The following TSHZ3 variants were observed in gnomAD, a reference collection of about 807,000 sequenced individuals.
TSHZ3 encodes teashirt homolog 3.
TSHZ3 carries 10 observed loss-of-function variants against 64.5 expected under a neutral mutation model. That is an observed-to-expected ratio of 0.16 (90% CI 0.10 to 0.26). TSHZ3 has a LOEUF of 0.26. TSHZ3 is among the 10% of genes least tolerant of loss of function. TSHZ3 has a pLI of 1.00. For synonymous variants in TSHZ3, 608 were observed against 593.1 expected, an observed-to-expected ratio of 1.03 and a Z score of -0.36; for missense variants, 1,242 against 1,421.7, an observed-to-expected ratio of 0.87 and a Z score of 2.03.
chr19:31,216,188 G>A (rs1052847013), intron 4 of TSHZ3, among the ~76,000 whole-genome samples: 4 of 152,000 alleles, frequency 2.6e-5, no homozygotes, highest in Admixed American at 6.5e-5. Context: ...CCATCAAATC[G>A]TTCTTAAATA....
intron 5 of TSHZ3, among the ~76,000 whole-genome samples, chr19:31,177,185 G>A (rs1483606308): frequency 6.6e-6 from 1 of 152,216 alleles, no homozygotes; most frequent in African/African-American, 2.4e-5. Context: ...TCAGCAGAAG[G>A]ATGCATCAAT....
At chr19:31,191,571 GA>G (rs1442962304) in intron 5 of TSHZ3, among the ~76,000 whole-genome samples, 8 of 152,154 alleles carry the variant, frequency 5.3e-5, no homozygotes, top group African/African-American at 1.7e-4. Flanking sequence ...GGAAGAGAGG[GA>G]AAAAAATGTC....
At chr19:31,184,281 A>G (rs1390757) in intron 5 of TSHZ3, among the ~76,000 whole-genome samples, 109,532 of 152,156 alleles carry the variant, frequency 0.72, 40,078 homozygotes, top group African/African-American at 0.86. Context: ...CCAAAGCACC[A>G]ACTTTGTGAA....
intron 1 of TSHZ3, among the ~76,000 whole-genome samples, chr19:31,281,176 T>C (rs546596165): frequency 3.9e-5 from 6 of 152,264 alleles, no homozygotes; most frequent in Admixed American, 2.6e-4. Context: ...TGGAATTGAC[T>C]CCACCAGCTT....
intron 5 of TSHZ3, among the ~76,000 whole-genome samples, chr19:31,181,285 C>T (rs930150784): frequency 3.3e-5 from 5 of 152,114 alleles, no homozygotes; most frequent in Non-Finnish European, 5.9e-5. Context: ...GCTTCATGGC[C>T]TTTTCCTTAC....
chr19:31,196,958 G>A (rs189460051), intron 5 of TSHZ3, among the ~76,000 whole-genome samples: 30 of 152,040 alleles, frequency 2.0e-4, no homozygotes, highest in Admixed American at 1.8e-3. Flanking sequence ...TCAATCAACT[G>A]TATATAATTA....
chr19:31,189,978 C>G (rs866955448), intron 5 of TSHZ3, among the ~76,000 whole-genome samples: 1 of 152,060 alleles, frequency 6.6e-6, no homozygotes, highest in Non-Finnish European at 1.5e-5. Flanking sequence ...CAAGTAATAG[C>G]CTTTTCTCTA....
chr19:31,312,380 T>A (rs1187719587), intron 1 of TSHZ3, among the ~76,000 whole-genome samples: 1 of 152,120 alleles, frequency 6.6e-6, no homozygotes, highest in Admixed American at 6.5e-5. Flanking sequence ...AAATGTAAAG[T>A]TCAGATCCTC....
At chr19:31,300,854 TA>T (rs1976743962) in intron 1 of TSHZ3, among the ~76,000 whole-genome samples, 1 of 152,004 alleles carries the variant, frequency 6.6e-6, no homozygotes, top group African/African-American at 2.4e-5. Flanking sequence ...AATGACAAAG[TA>T]AATGTTGTCA....
At chr19:31,199,470 C>T (rs1975043925) in intron 5 of TSHZ3, among the ~76,000 whole-genome samples, 1 of 147,590 alleles carries the variant, frequency 6.8e-6, no homozygotes, top group East Asian at 2.0e-4. Context: ...TACCAAAGAC[C>T]ATAAAATAGT....
intron 5 of TSHZ3, among the ~76,000 whole-genome samples, chr19:31,199,584 C>G (rs537145001): frequency 1.5e-4 from 22 of 149,732 alleles, no homozygotes; most frequent in Non-Finnish European, 2.4e-4. Flanking sequence ...TTACATTCTT[C>G]CCCCAAATGA....
chr19:31,188,540 C>T (rs1974849062), intron 5 of TSHZ3, among the ~76,000 whole-genome samples: 1 of 151,886 alleles, frequency 6.6e-6, no homozygotes, highest in Non-Finnish European at 1.5e-5. Flanking sequence ...TGAAAATTAG[C>T]AAATGCTTTT....
At chr19:31,157,676 T>G (rs911743085) in intron 5 of TSHZ3, among the ~76,000 whole-genome samples, 3 of 152,214 alleles carry the variant, frequency 2.0e-5, no homozygotes, top group Non-Finnish European at 2.9e-5. Context: ...TACAGGAAAG[T>G]GGCACAGATG....
chr19:31,181,177 C>T (rs1426300221), intron 5 of TSHZ3, among the ~76,000 whole-genome samples: 1 of 151,956 alleles, frequency 6.6e-6, no homozygotes, highest in East Asian at 1.9e-4. Context: ...CAGAACAGCA[C>T]CAACTTCCCT....
intron 1 of TSHZ3, among the ~76,000 whole-genome samples, chr19:31,342,103 C>A (rs1182002061): frequency 6.6e-6 from 1 of 152,112 alleles, no homozygotes; most frequent in Non-Finnish European, 1.5e-5. Context: ...ACCATATTAC[C>A]TTTATTATGT....
chr19:31,275,321 A>ATT lies in TSHZ3; in HGVS notation c.*1225_*1226insAA, dbSNP rs1160514117. ...GAATAGCAACCAAGAGGGCTTATAA[A>ATT]TAAGTGAAAGAGGTTGGATCACAGA... On this transcript the variant is annotated 3_prime_UTR_variant, in exon 2 of 2. Coordinates refer to ENST00000240587, the MANE Select transcript of TSHZ3 (RefSeq NM_020856.4). The ATT allele has an allele frequency of 6.6e-6, 1 of 152,662 alleles. No homozygotes were observed. The highest frequency in any genetic ancestry group is 1.5e-5 in the Non-Finnish European group (1 of 68,042). The allele number at this position is 152,662 out of a possible 1,614,324, so 9.5% of individuals were successfully genotyped here. A position where few individuals can be genotyped will look rare whatever the true frequency, so the allele number is the denominator to read the frequency against.
intron 1 of TSHZ3, among the ~76,000 whole-genome samples, chr19:31,259,651 T>TAA (rs370991502): frequency 3.5e-5 from 5 of 141,546 alleles, no homozygotes; most frequent in Admixed American, 1.4e-4. Context: ...TTGCTGGAAA[T>TAA]AAAAAAAAAA....
At chr19:31,209,404 C>G (rs1044650735) in intron 4 of TSHZ3, among the ~76,000 whole-genome samples, 3 of 152,118 alleles carry the variant, frequency 2.0e-5, no homozygotes, top group Non-Finnish European at 4.4e-5. Flanking sequence ...GGGCACAGAT[C>G]CAGGATTCAG....
intron 5 of TSHZ3, among the ~76,000 whole-genome samples, chr19:31,187,217 G>GT (rs949055956): frequency 4.6e-5 from 7 of 152,082 alleles, no homozygotes; most frequent in South Asian, 2.1e-4. Flanking sequence ...CCATATTATA[G>GT]TTTTTTTAAA....
Sources: allele counts gnomAD v4.1 joint callset (sites outside exome capture counted in the v4.1 genomes callset), GRCh38; gene constraint gnomAD v4.1.1; transcripts MANE v1.5; gene names NCBI Gene and HGNC (gene_info 2026-07-23, HGNC 2026-07-21).